Variants in SAMD5 observed in about 807,000 individuals in gnomAD.
SAMD5 encodes the protein sterile alpha motif domain-containing protein 5.
In SAMD5, 13 loss-of-function variants were observed where a neutral mutation model predicts 11.3. The observed-to-expected ratio is 1.15, with a 90% CI of 0.75 to 1.83. The LOEUF (loss-of-function observed/expected upper bound fraction) is 1.83, where lower values mean the gene tolerates loss of function less well. Ranked by LOEUF, SAMD5 falls within the 40% of genes most tolerant of loss-of-function variation. The pLI, the probability that SAMD5 is intolerant of heterozygous loss-of-function variation, is 0.00. For synonymous variants in SAMD5, 129 were observed against 111.3 expected (o/e 1.16, Z -1.00); for missense variants, 255 against 239.1 (o/e 1.07, Z -0.44).
At chr6:147,770,011 C>T in the SAMD5 span, among the ~76,000 whole-genome samples, 1 of 152,166 alleles carries the variant, frequency 6.6e-6, no homozygotes, top group African/African-American at 2.4e-5. Flanking sequence ...AGAACTGATG[C>T]ACTCTTTGGG....
intron 1 of SAMD5, among the ~76,000 whole-genome samples, chr6:147,667,857 G>A (rs1790744050): frequency 6.6e-6 from 1 of 152,024 alleles, no homozygotes; most frequent in Non-Finnish European, 1.5e-5. Context: ...ACTGAAAATT[G>A]AACATATACT....
chr6:147,564,130 GAAGGAACATAA>G (rs1474108148), intron 1 of SAMD5, among the ~76,000 whole-genome samples: 1 of 151,940 alleles, frequency 6.6e-6, no homozygotes, highest in Admixed American at 6.6e-5. Flanking sequence ...CCACCTCTTA[GAAGGAACATAA>G]AAGGAAAATA....
intron 1 of SAMD5, among the ~76,000 whole-genome samples, chr6:147,728,190 A>C (rs1254428230): frequency 6.6e-6 from 1 of 152,174 alleles, no homozygotes; most frequent in Non-Finnish European, 1.5e-5. Context: ...CTTTGGGAGA[A>C]CGAGGTGGGC....
chr6:147,645,286 G>T (rs538731496), intron 1 of SAMD5, among the ~76,000 whole-genome samples: 2 of 152,208 alleles, frequency 1.3e-5, no homozygotes, highest in East Asian at 3.9e-4. Flanking sequence ...TTGAACAAAG[G>T]CCAGCTCCCC....
At chr6:147,720,562 C>T (rs7450909) in intron 1 of SAMD5, among the ~76,000 whole-genome samples, 56,258 of 151,728 alleles carry the variant, frequency 0.37, 12,691 homozygotes, top group Middle Eastern at 0.48. Flanking sequence ...AACTTTCTCA[C>T]AGAAAAAATG....
the SAMD5 span, among the ~76,000 whole-genome samples, chr6:147,882,090 T>C: frequency 6.6e-6 from 1 of 152,212 alleles, no homozygotes; most frequent in African/African-American, 2.4e-5. Flanking sequence ...TCTCCTTGCC[T>C]GAGCTGCAAA....
intron 1 of SAMD5, among the ~76,000 whole-genome samples, chr6:147,696,301 T>C (rs923243915): frequency 1.3e-5 from 2 of 152,060 alleles, no homozygotes; most frequent in Non-Finnish European, 1.5e-5. Context: ...ATTCGACAAG[T>C]TAATTTATAC....
At chr6:147,744,625 C>T in the SAMD5 span, among the ~76,000 whole-genome samples, 19 of 152,214 alleles carry the variant, frequency 1.2e-4, no homozygotes, top group African/African-American at 2.6e-4. Context: ...AGGCTGGGCG[C>T]GGTGGCTCAT....
intron 1 of SAMD5, among the ~76,000 whole-genome samples, chr6:147,725,710 A>T (rs1036161534): frequency 1.3e-5 from 2 of 152,046 alleles, no homozygotes; most frequent in African/African-American, 4.8e-5. Context: ...TAAAAGGAGA[A>T]CTTTATAGAA....
At chr6:147,837,722 G>A in the SAMD5 span, among the ~76,000 whole-genome samples, 1 of 152,166 alleles carries the variant, frequency 6.6e-6, no homozygotes, top group African/African-American at 2.4e-5. Context: ...AGTCTCTTGT[G>A]TTTTGATGAG....
At chr6:147,766,779 C>A in the SAMD5 span, among the ~76,000 whole-genome samples, 1 of 151,984 alleles carries the variant, frequency 6.6e-6, no homozygotes, top group African/African-American at 2.4e-5. Flanking sequence ...TTGTGTAGAG[C>A]AATAAGTATC....
intron 1 of SAMD5, among the ~76,000 whole-genome samples, chr6:147,549,861 A>C (rs1459779901): frequency 1.3e-5 from 2 of 151,960 alleles, no homozygotes; most frequent in African/African-American, 4.8e-5. Context: ...ACAGTTTGCT[A>C]CTTAGACTGG....
intron 1 of SAMD5, among the ~76,000 whole-genome samples, chr6:147,545,179 G>A (rs1272365254): frequency 6.6e-6 from 1 of 152,166 alleles, no homozygotes; most frequent in Non-Finnish European, 1.5e-5. Context: ...CTGCTTATTA[G>A]TTATGGTCAG....
the SAMD5 span, among the ~76,000 whole-genome samples, chr6:147,756,283 T>C: frequency 6.6e-6 from 1 of 152,116 alleles, no homozygotes; most frequent in Non-Finnish European, 1.5e-5. Context: ...ATACGCAGCA[T>C]ACACAGAAAT....
the SAMD5 span, among the ~76,000 whole-genome samples, chr6:147,932,587 ATT>A: frequency 8.4e-6 from 1 of 118,882 alleles, no homozygotes; most frequent in African/African-American, 3.2e-5. Context: ...GTCTTACAGA[ATT>A]GTGTGTGTGT....
intron 1 of SAMD5, among the ~76,000 whole-genome samples, chr6:147,651,630 C>G (rs1451296785): frequency 6.6e-6 from 1 of 152,174 alleles, no homozygotes; most frequent in African/African-American, 2.4e-5. Context: ...AGAACCCAAC[C>G]ATGCTGGCAC....
chr6:147,853,870 C>T, the SAMD5 span, among the ~76,000 whole-genome samples: 1 of 152,092 alleles, frequency 6.6e-6, no homozygotes, highest in South Asian at 2.1e-4. Context: ...CAGAAACAAA[C>T]AGTACAGGTA....
chr6:147,631,676 C>T (rs1005941787), intron 1 of SAMD5, among the ~76,000 whole-genome samples: 4 of 152,112 alleles, frequency 2.6e-5, no homozygotes, highest in African/African-American at 9.7e-5. Flanking sequence ...CCTCTACCCA[C>T]CCAGTGAAAG....
chr6:147,856,790 C>T, the SAMD5 span, among the ~76,000 whole-genome samples: 108 of 140,150 alleles, frequency 7.7e-4, 5 homozygotes, highest in African/African-American at 3.0e-3. Context: ...AATCCACCCA[C>T]GTGGCTTAAT....
Sources: gnomAD v4.1 joint callset for allele counts (sites outside exome capture counted in the v4.1 genomes callset) on GRCh38, gnomAD v4.1.1 for gene constraint, MANE v1.5 for transcripts, NCBI Gene and HGNC (gene_info 2026-07-23, HGNC 2026-07-21) for gene names.